Variants in CALN1 observed in about 807,000 individuals in gnomAD.
CALN1 encodes the protein calcium-binding protein 8.
CALN1 carries 17 observed loss-of-function variants against 30.6 expected under a neutral mutation model. The ratio of observed to expected loss-of-function variants is 0.56; its 90% CI spans 0.38 to 0.83. CALN1 has a LOEUF of 0.83. Ranked by LOEUF, CALN1 falls within the 40% of genes least tolerant of loss-of-function variation. The pLI, the probability that CALN1 is intolerant of heterozygous loss-of-function variation, is 0.00. For synonymous variants in CALN1, 156 were observed against 131.4 expected, an observed-to-expected ratio of 1.19 and a Z score of -1.28; for missense variants, 291 against 354.9, an observed-to-expected ratio of 0.82 and a Z score of 1.45.
chr7:71,861,819 C>T (rs2116667309), intron 5 of CALN1, among the ~76,000 whole-genome samples: 1 of 147,502 alleles, frequency 6.8e-6, no homozygotes, highest in Non-Finnish European at 1.5e-5. Context: ...GAGTAATGTC[C>T]AAAACATGTT....
chr7:72,286,674 A>G (rs962312271), intron 2 of CALN1, among the ~76,000 whole-genome samples: 6 of 152,218 alleles, frequency 3.9e-5, no homozygotes, highest in Non-Finnish European at 5.9e-5. Flanking sequence ...CCCTGTTAAA[A>G]TCCTGCAGGG....
chr7:71,866,280 T>C (rs748751512), intron 5 of CALN1, among the ~76,000 whole-genome samples: 8 of 152,160 alleles, frequency 5.3e-5, no homozygotes, highest in Non-Finnish European at 1.0e-4. Flanking sequence ...GTGCTGGGAT[T>C]ACAGGCATGA....
chr7:71,808,835 G>T (rs1787770500), intron 6 of CALN1, among the ~76,000 whole-genome samples: 1 of 152,108 alleles, frequency 6.6e-6, no homozygotes, highest in Non-Finnish European at 1.5e-5. Flanking sequence ...TCATCTGTCA[G>T]CCCCGAGCGA....
chr7:72,364,122 C>T (rs753415065), intron 2 of CALN1, among the ~76,000 whole-genome samples: 3 of 151,714 alleles, frequency 2.0e-5, no homozygotes, highest in African/African-American at 7.2e-5. Flanking sequence ...CTAAGGGACA[C>T]GAAAAGACAC....
the CALN1 span, among the ~76,000 whole-genome samples, chr7:72,487,886 A>AGG: frequency 4.5e-4 from 25 of 55,118 alleles, 1 homozygote; most frequent in African/African-American, 1.8e-3. Flanking sequence ...GAAAGAAAGA[A>AGG]AAGAAAAGAA....
chr7:71,845,166 G>A (rs901383465), intron 5 of CALN1, among the ~76,000 whole-genome samples: 2 of 152,180 alleles, frequency 1.3e-5, no homozygotes, highest in African/African-American at 4.8e-5. Context: ...TTACAGGTGT[G>A]AGCCACTGCA....
intron 3 of CALN1, among the ~76,000 whole-genome samples, chr7:72,240,925 A>G (rs1342907735): frequency 6.6e-6 from 1 of 152,146 alleles, no homozygotes; most frequent in Non-Finnish European, 1.5e-5. Flanking sequence ...TTGGTTTTTA[A>G]AAGCATTATT....
chr7:71,954,046 G>A (rs1796835304), intron 5 of CALN1, among the ~76,000 whole-genome samples: 1 of 152,196 alleles, frequency 6.6e-6, no homozygotes, highest in African/African-American at 2.4e-5. Flanking sequence ...GGTAAAGGCT[G>A]GGCACAGTGG....
At chr7:71,839,826 C>T (rs1035126533) in intron 5 of CALN1, among the ~76,000 whole-genome samples, 12 of 152,156 alleles carry the variant, frequency 7.9e-5, no homozygotes, top group East Asian at 7.7e-4. Flanking sequence ...CATTCCCTTC[C>T]CTGACCTAGC....
chr7:72,190,376 G>C (rs1790516686), intron 3 of CALN1, among the ~76,000 whole-genome samples: 1 of 152,144 alleles, frequency 6.6e-6, no homozygotes, highest in Admixed American at 6.5e-5. Flanking sequence ...GCTTCAGCAG[G>C]TCTCTGCTGC....
intron 2 of CALN1, among the ~76,000 whole-genome samples, chr7:72,361,882 A>AT (rs1273919072): frequency 6.6e-6 from 1 of 152,204 alleles, no homozygotes; most frequent in African/African-American, 2.4e-5. Flanking sequence ...AGTGGACATT[A>AT]TACATGTAAT....
chr7:72,378,994 T>C (rs1392101072), intron 2 of CALN1, among the ~76,000 whole-genome samples: 1 of 152,222 alleles, frequency 6.6e-6, no homozygotes, highest in Non-Finnish European at 1.5e-5. Context: ...GTGAATTATG[T>C]TGTTTGATTT....
At chr7:72,405,767 G>C (rs1585678644) in intron 1 of CALN1, among the ~76,000 whole-genome samples, 1 of 152,168 alleles carries the variant, frequency 6.6e-6, no homozygotes, top group South Asian at 2.1e-4. Flanking sequence ...AGTTGCCATG[G>C]CAGTCCCCAG....
chr7:72,077,227 T>C (rs561278131), intron 4 of CALN1, among the ~76,000 whole-genome samples: 1 of 152,242 alleles, frequency 6.6e-6, no homozygotes, highest in Admixed American at 6.5e-5. Context: ...AGTTCTGAAA[T>C]CAAACAGGAG....
chr7:71,975,829 C>T (rs574223943), intron 5 of CALN1, among the ~76,000 whole-genome samples: 1 of 151,488 alleles, frequency 6.6e-6, no homozygotes, highest in East Asian at 2.0e-4. Context: ...AACTTTCACT[C>T]TCTTGCTCTT....
the CALN1 span, among the ~76,000 whole-genome samples, chr7:72,498,848 T>A: frequency 3.3e-5 from 5 of 152,214 alleles, no homozygotes; most frequent in Non-Finnish European, 5.9e-5. Flanking sequence ...GTACTTTTTT[T>A]AATGTTTTAA....
chr7:72,090,488 C>G (rs1783405027), intron 4 of CALN1, among the ~76,000 whole-genome samples: 3 of 152,086 alleles, frequency 2.0e-5, no homozygotes, highest in Admixed American at 1.3e-4. Context: ...AGACTTTTCT[C>G]AGTGTCCAAT....
chr7:72,130,968 C>T (rs1183938438), intron 3 of CALN1, among the ~76,000 whole-genome samples: 3 of 152,104 alleles, frequency 2.0e-5, no homozygotes, highest in Admixed American at 2.0e-4. Flanking sequence ...AGAAAGTAAC[C>T]CACTAATTCC....
chr7:72,251,188 G>A (rs962058564), intron 3 of CALN1, among the ~76,000 whole-genome samples: 1 of 152,006 alleles, frequency 6.6e-6, no homozygotes, highest in Non-Finnish European at 1.5e-5. Flanking sequence ...TGCTTCTGAT[G>A]TGCCCACCTC....
Sources: gnomAD v4.1 joint callset for allele counts (sites outside exome capture counted in the v4.1 genomes callset) on GRCh38, gnomAD v4.1.1 for gene constraint, MANE v1.5 for transcripts, NCBI Gene and HGNC (gene_info 2026-07-23, HGNC 2026-07-21) for gene names.